COG3: variants seen among roughly 807,000 people sequenced by gnomAD.
The protein encoded by COG3 is conserved oligomeric Golgi complex subunit 3.
In COG3, 32 loss-of-function variants were observed where a neutral mutation model predicts 114.1. The observed-to-expected ratio is 0.28, with a 90% CI of 0.21 to 0.38. COG3 has a LOEUF of 0.38. COG3 is among the 10% of genes least tolerant of loss of function. The probability of loss-of-function intolerance (pLI) is 1.00; values close to 1 mark genes in which losing one functional copy is unlikely to be tolerated. For synonymous variants in COG3, 352 were observed against 365.7 expected, an observed-to-expected ratio of 0.96 and a Z score of 0.43; for missense variants, 813 against 973.2, an observed-to-expected ratio of 0.84 and a Z score of 2.19.
chr13:45,521,590 C>T (rs1566270944), intron 19 of COG3, among the ~76,000 whole-genome samples: 1 of 151,820 alleles, frequency 6.6e-6, no homozygotes, highest in Non-Finnish European at 1.5e-5. Flanking sequence ...CACACACACA[C>T]ACACACACAC....
intron 2 of COG3, among the ~76,000 whole-genome samples, chr13:45,477,228 AC>A (rs1885926004): frequency 6.6e-6 from 1 of 152,158 alleles, no homozygotes; most frequent in African/African-American, 2.4e-5. Context: ...AAGCCTGTAT[AC>A]CCTTGACATT....
rs1566246090 is a variant in COG3, at chr13:45,483,374, AC to A, written c.843+20del. 1.3e-6 allele frequency: 2 copies of A among 1,536,254 alleles called. No homozygotes were observed. The highest frequency in any genetic ancestry group is 1.3e-5 in the South Asian group (1 of 78,970). On this transcript the variant is annotated intron_variant, in intron 7 of 22. Transcript: ENST00000349995. ...GAAAAGGGTGAGTTAACTGATCTCA[AC>A]AACAGGTTTTTGTTATTGTTGTTGT... is the stretch of plus-strand genomic sequence containing the variant.
chr13:45,511,614 G>T (rs1870872862), intron 15 of COG3, 151 bp from the exon 16 acceptor site: 2 of 606,946 alleles, frequency 3.3e-6, no homozygotes, highest in Admixed American at 2.9e-5. Flanking sequence ...GGTTGCATGG[G>T]AATAGGAAAC....
At chr13:45,530,528 C>T (rs2404217) in intron 21 of COG3, among the ~76,000 whole-genome samples, 154 bp from the exon 22 acceptor site, 125,941 of 152,154 alleles carry the variant, frequency 0.83, 52,285 homozygotes, top group Admixed American at 0.88. Context: ...CATGCCAGCA[C>T]TGAAATATTA....
Position 45,509,764 on chromosome 13 carries a change from C to T in COG3, c.1667C>T (p.Pro556Leu), listed in dbSNP as rs1206119955. 3 of 1,613,932 alleles carry T rather than the reference C, an allele frequency of 1.9e-6. No homozygotes were observed. The highest frequency in any genetic ancestry group is 1.7e-5 in the Admixed American group (1 of 60,022). Reference sequence around the variant, plus strand: ...GCAGATCTTCATGGAATGTGGTATCCTACGGTTCGAAGAACTCTTGTCTGT... The same window carrying T: ...GCAGATCTTCATGGAATGTGGTATCTTACGGTTCGAAGAACTCTTGTCTGT... ...SPADLHGMWY[P>L]TVRRTLVCLS... is the part of the protein sequence containing the mutation. The change falls in exon 15 of 23, where the codon CCT becomes CTT. Residue 556 changes from proline to leucine, a missense_variant. Physicochemically the swap from Pro to Leu is moderately conservative, Grantham distance 98. Transcript: ENST00000349995.
intron 4 of COG3, among the ~76,000 whole-genome samples, chr13:45,480,754 CAG>C (rs1299527083): frequency 2.6e-5 from 4 of 151,960 alleles, no homozygotes; most frequent in Admixed American, 6.6e-5. Flanking sequence ...TTAGTAGAGA[CAG>C]AGTTTCACCA....
At chr13:45,488,405 T>C (rs1181830048) in intron 8 of COG3, among the ~76,000 whole-genome samples, 3 of 152,210 alleles carry the variant, frequency 2.0e-5, no homozygotes, top group Non-Finnish European at 2.9e-5. Flanking sequence ...AAATAATACA[T>C]GTTTGAGGTG....
Position 45,535,266 on chromosome 13 carries a change from A to G in COG3, c.*535A>G. On this transcript the variant is annotated 3_prime_UTR_variant, in exon 23 of 23. Transcript: ENST00000349995. The stretch of plus-strand genomic sequence containing the variant: ...GTAGATTGGTTGCTTCTGAGAACAC[A>G]TTCTGCCTTCCTGGGAAGTCGGGGT... 3.0e-6 allele frequency: 3 copies of G among 985,418 alleles called. No individual in the cohort carries two copies. The highest frequency in any genetic ancestry group is 3.6e-6 in the Non-Finnish European group (3 of 829,960). 61.0% of individuals were successfully genotyped at this position (985,418 alleles called of 1,614,324 possible). A position where few individuals can be genotyped will look rare whatever the true frequency, so the allele number is the denominator to read the frequency against.
intron 1 of COG3, among the ~76,000 whole-genome samples, chr13:45,472,744 A>T (rs1885601590): frequency 6.6e-6 from 1 of 152,036 alleles, no homozygotes; most frequent in Non-Finnish European, 1.5e-5. Context: ...TATACTTCTT[A>T]TCTGTGTGTT....
At chr13:45,525,634 G>GTT (rs59577529) in intron 20 of COG3, among the ~76,000 whole-genome samples, 19 of 56,648 alleles carry the variant, frequency 3.4e-4, no homozygotes, top group Middle Eastern at 0.017. Context: ...AGGGCTTTGG[G>GTT]TTTTTTTTTT....
Position 45,488,010 on chromosome 13 carries a change from TGTG to T in COG3, c.924+1438_924+1440del, listed in dbSNP as rs549871962. Reference sequence around the variant, plus strand: ...TCAGTGGATGAATGGATAAAGAAAATGTGGTATATATAAACAATAAGATACTAT... The same window carrying T: ...TCAGTGGATGAATGGATAAAGAAAATGTATATATAAACAATAAGATACTAT... On this transcript the variant is annotated intron_variant, in intron 8 of 22. Coordinates refer to ENST00000349995, the MANE Select transcript of COG3 (RefSeq NM_031431.4). 2.0e-5 allele frequency among the ~76,000 whole-genome samples: 3 copies of T among 152,190 alleles called. No individual in the cohort carries two copies. The East Asian group carries it at 5.8e-4, about 29-fold the overall frequency.
intron 3 of COG3, 68 bp downstream of exon 3, chr13:45,479,134 A>C: frequency 8.9e-7 from 1 of 1,118,498 alleles, no homozygotes; most frequent in Non-Finnish European, 1.3e-6. Flanking sequence ...AGCATTTCAT[A>C]ATCAGTGTCT....
chr13:45,474,319 G>A (rs778636470), intron 1 of COG3, among the ~76,000 whole-genome samples: 27 of 151,786 alleles, frequency 1.8e-4, no homozygotes, highest in African/African-American at 3.6e-4. Context: ...CACCATGCCC[G>A]GCTAATTTTT....
At chr13:45,523,155 T>C (rs1872346676) in intron 19 of COG3, among the ~76,000 whole-genome samples, 1 of 152,168 alleles carries the variant, frequency 6.6e-6, no homozygotes, top group Non-Finnish European at 1.5e-5. Context: ...AAGTGTTTTT[T>C]TTTTTTTTCT....
chr13:45,502,773 C>T (rs769964452), intron 13 of COG3, among the ~76,000 whole-genome samples: 2 of 152,114 alleles, frequency 1.3e-5, no homozygotes, highest in Non-Finnish European at 2.9e-5. Context: ...TATGCCTTAC[C>T]TGCCTCCCAG....
intron 1 of COG3, among the ~76,000 whole-genome samples, chr13:45,469,556 GAGAT>G (rs1885345449): frequency 6.6e-6 from 1 of 152,194 alleles, no homozygotes; most frequent in Non-Finnish European, 1.5e-5. Flanking sequence ...ATCTAAAAAA[GAGAT>G]AGTACAGGTG....
chr13:45,478,680 G>A (rs921890986), intron 2 of COG3, among the ~76,000 whole-genome samples: 14 of 152,040 alleles, frequency 9.2e-5, no homozygotes, highest in African/African-American at 3.1e-4. Context: ...GTAGAGACGG[G>A]GTTTTACCAT....
At chr13:45,488,066 T>G (rs1340054699) in intron 8 of COG3, among the ~76,000 whole-genome samples, 1 of 152,220 alleles carries the variant, frequency 6.6e-6, no homozygotes, top group Non-Finnish European at 1.5e-5. Context: ...TGAAATCCTG[T>G]CATTTGCAGC....
intron 13 of COG3, among the ~76,000 whole-genome samples, chr13:45,500,690 G>T (rs1159325100): frequency 6.6e-6 from 1 of 152,182 alleles, no homozygotes; most frequent in Non-Finnish European, 1.5e-5. Context: ...TAATGAACCA[G>T]TAGTGAGTCA....
Sources: allele counts gnomAD v4.1 joint callset (sites outside exome capture counted in the v4.1 genomes callset), GRCh38; gene constraint gnomAD v4.1.1; transcripts MANE v1.5; gene names NCBI Gene and HGNC (gene_info 2026-07-23, HGNC 2026-07-21).